The following EYA2 variants were observed in gnomAD, a reference collection of about 807,000 sequenced individuals.
EYA2 encodes protein phosphatase EYA2.
EYA2 carries 31 observed loss-of-function variants against 69.2 expected under a neutral mutation model. The ratio of observed to expected loss-of-function variants is 0.45; its 90% CI spans 0.34 to 0.60. EYA2 has a LOEUF of 0.60. Among genes scored for constraint, EYA2 ranks in the 20% least tolerant of loss-of-function variants. The probability of loss-of-function intolerance (pLI) is 0.02; values close to 1 mark genes in which losing one functional copy is unlikely to be tolerated. For synonymous variants in EYA2, 257 were observed against 279.4 expected, an observed-to-expected ratio of 0.92 and a Z score of 0.80; for missense variants, 622 against 701.2, an observed-to-expected ratio of 0.89 and a Z score of 1.28.
chr20:47,149,448 G>A (rs1255188268), intron 10 of EYA2, among the ~76,000 whole-genome samples: 1 of 151,764 alleles, frequency 6.6e-6, no homozygotes, highest in African/African-American at 2.4e-5. Context: ...AGATTGTAAC[G>A]GCCCCCATCC....
intron 8 of EYA2, among the ~76,000 whole-genome samples, chr20:47,089,597 G>T (rs371116205): frequency 1.3e-5 from 2 of 152,346 alleles, no homozygotes; most frequent in Admixed American, 6.5e-5. Flanking sequence ...GAATCACCTG[G>T]GGGGTGGGGG....
intron 1 of EYA2, chr20:46,901,800 T>C (rs143117215): frequency 2.6e-5 from 4 of 152,294 alleles, no homozygotes; most frequent in African/African-American, 9.6e-5. Flanking sequence ...TCACGTGGTA[T>C]AACAAGTTGT....
chr20:47,175,264 T>A (rs2034404107), intron 12 of EYA2, among the ~76,000 whole-genome samples: 1 of 152,212 alleles, frequency 6.6e-6, no homozygotes, highest in Non-Finnish European at 1.5e-5. Context: ...TCCAAGTGTT[T>A]TAGAAGGTAC....
At chr20:46,990,508 G>A (rs542653334) in intron 2 of EYA2, among the ~76,000 whole-genome samples, 2 of 152,308 alleles carry the variant, frequency 1.3e-5, no homozygotes, top group East Asian at 1.9e-4. Flanking sequence ...CCAAGCAGGC[G>A]TCTTGCTTAC....
intron 15 of EYA2, among the ~76,000 whole-genome samples, chr20:47,185,031 G>A (rs1339217410): frequency 6.6e-6 from 1 of 152,148 alleles, no homozygotes; most frequent in Non-Finnish European, 1.5e-5. Context: ...CTGACAAATG[G>A]AAGTCATTAG....
chr20:47,044,590 G>C lies in EYA2; in HGVS notation c.416-27595G>C, dbSNP rs540180224. Among the ~76,000 whole-genome samples the C allele has an allele frequency of 1.8e-3, 276 of 152,292 alleles. 2 individuals carry two copies. The highest frequency in any genetic ancestry group is 3.1e-3 in the Non-Finnish European group (213 of 68,036). ...GGCTGGGTCTCACTAAGAAGTTGGCGTTGAGCACATGGTTCATTCAGCGAT... is the reference window on the plus strand; with the variant it reads ...GGCTGGGTCTCACTAAGAAGTTGGCCTTGAGCACATGGTTCATTCAGCGAT... On this transcript the variant is annotated intron_variant, in intron 5 of 15. Coordinates refer to ENST00000327619, the MANE Select transcript of EYA2 (RefSeq NM_005244.5).
chr20:47,161,462 G>T, intron 10 of EYA2: 1 of 446,394 alleles, frequency 2.2e-6, no homozygotes, highest in South Asian at 1.8e-5. Flanking sequence ...CAAACTCTTT[G>T]ATGGCCAGGA....
In EYA2 at chr20:47,097,094, G is replaced by A. The variant is rs761096505; in HGVS notation, c.814G>A (p.Val272Met). ...AGDNEIERVF[V>M]WDLDETIIIF... ...CTCTCTTTCATCACAGCGTGTGTTC[G>A]TGTGGGACTTGGATGAGACAATAAT... Residue 272 changes from valine to methionine, a missense_variant, in exon 9 of 16, where the codon GTG becomes ATG. This residue lies in a region of EYA2 where 257 missense variants were observed against 351.5 expected (regional missense o/e 0.73). Coordinates refer to ENST00000327619, the MANE Select transcript of EYA2 (RefSeq NM_005244.5). The A allele has an allele frequency of 2.9e-5, 47 of 1,609,156 alleles. No individual in the cohort carries two copies. Among genetic ancestry groups the A allele is most frequent in the Middle Eastern group, 1.6e-4 (1 of 6,074 alleles).
intron 9 of EYA2, among the ~76,000 whole-genome samples, chr20:47,133,315 C>T (rs905687836): frequency 3.3e-5 from 5 of 152,190 alleles, no homozygotes; most frequent in South Asian, 2.1e-4. Flanking sequence ...TGCCCATTGG[C>T]TCATAATCAT....
rs142473955 is a variant in EYA2, at chr20:47,029,649, T to C, written c.415+13352T>C. Among the ~76,000 whole-genome samples the C allele has an allele frequency of 2.4e-4, 37 of 152,346 alleles. No individual in the cohort carries two copies. In the East Asian group the frequency reaches 5.8e-3, roughly 24 times the overall value. On this transcript the variant is annotated intron_variant, in intron 5 of 15. Coordinates refer to ENST00000327619, the MANE Select transcript of EYA2 (RefSeq NM_005244.5). Reference sequence around the variant, plus strand: ...CAAGGTTACTAACTTCCTTATTCTCTATACTTAACACATCTTTACATTTTG... The same window carrying C: ...CAAGGTTACTAACTTCCTTATTCTCCATACTTAACACATCTTTACATTTTG...
chr20:47,169,294 A>C, intron 11 of EYA2, 97 bp downstream of exon 11: 2 of 1,255,560 alleles, frequency 1.6e-6, no homozygotes, highest in Non-Finnish European at 2.3e-6. Flanking sequence ...AGGGCTGCTT[A>C]TAAGGACAAG....
intron 1 of EYA2, among the ~76,000 whole-genome samples, chr20:46,902,818 G>A (rs934318415): frequency 2.0e-5 from 3 of 152,190 alleles, no homozygotes; most frequent in Non-Finnish European, 4.4e-5. Context: ...ATTGCTTACA[G>A]CTGCTCTTGC....
chr20:47,143,674 T>G (rs745598172), intron 10 of EYA2, among the ~76,000 whole-genome samples: 1 of 151,966 alleles, frequency 6.6e-6, no homozygotes, highest in East Asian at 1.9e-4. Flanking sequence ...CCAAGGGAGA[T>G]AGGGAAAAAA....
chr20:46,978,872 G>A (rs1276529643), intron 1 of EYA2, among the ~76,000 whole-genome samples: 1 of 152,188 alleles, frequency 6.6e-6, no homozygotes, highest in Non-Finnish European at 1.5e-5. Flanking sequence ...TGAGCTTTTG[G>A]TTTGAGCAAC....
chr20:46,961,882 G>T (rs1979497115), intron 1 of EYA2, among the ~76,000 whole-genome samples: 1 of 152,248 alleles, frequency 6.6e-6, no homozygotes, highest in African/African-American at 2.4e-5. Context: ...GTGCAGGGGT[G>T]AACCAGAGGC....
chr20:47,051,848 GT>G (rs141951876), intron 5 of EYA2, among the ~76,000 whole-genome samples: 2,337 of 152,292 alleles, frequency 0.015, 50 homozygotes, highest in African/African-American at 0.053. Flanking sequence ...TTGCTCTGTT[GT>G]TTTCCTTTTT....
intron 10 of EYA2, among the ~76,000 whole-genome samples, chr20:47,144,928 G>C (rs1183316638): frequency 6.6e-6 from 1 of 152,176 alleles, no homozygotes; most frequent in African/African-American, 2.4e-5. Flanking sequence ...TATTTATGGA[G>C]CCTAATGCGG....
intron 9 of EYA2, among the ~76,000 whole-genome samples, chr20:47,125,307 G>T (rs1040695286): frequency 6.6e-6 from 1 of 151,752 alleles, no homozygotes; most frequent in Non-Finnish European, 1.5e-5. Flanking sequence ...CGCCCGCCTC[G>T]GCCTCCCAAA....
At chr20:47,091,756 A>G (rs2032093676) in intron 8 of EYA2, among the ~76,000 whole-genome samples, 1 of 152,088 alleles carries the variant, frequency 6.6e-6, no homozygotes, top group Non-Finnish European at 1.5e-5. Context: ...AAAAAAAGAA[A>G]CCAGTTCTGG....
Sources: allele counts gnomAD v4.1 joint callset (sites outside exome capture counted in the v4.1 genomes callset), GRCh38; gene constraint gnomAD v4.1.1; regional missense constraint gnomAD v4.1.1; transcripts MANE v1.5; gene names NCBI Gene and HGNC (gene_info 2026-07-23, HGNC 2026-07-21).